Variants in KCNK9 observed in about 807,000 individuals in gnomAD.
KCNK9 encodes potassium two pore domain channel subfamily K member 9.
In KCNK9, 1 loss-of-function variant was observed where a neutral mutation model predicts 10.8. The observed-to-expected ratio is 0.09, with a 90% CI of 0.03 to 0.44. The LOEUF (loss-of-function observed/expected upper bound fraction) is 0.44, where lower values mean the gene tolerates loss of function less well. KCNK9 is among the 20% of genes least tolerant of loss of function. The probability of loss-of-function intolerance (pLI) is 0.97; values close to 1 mark genes in which losing one functional copy is unlikely to be tolerated. For missense variants in KCNK9, 303 were observed against 515.0 expected (o/e 0.59, Z 3.98); for synonymous variants, 231 against 222.7 (o/e 1.04, Z -0.33).
chr8:139,640,666 A>G lies in KCNK9; in HGVS notation c.284-21567T>C, dbSNP rs576554086. 2.1e-3 allele frequency among the ~76,000 whole-genome samples: 315 copies of G among 152,306 alleles called. 2 individuals carry two copies. Among genetic ancestry groups the G allele is most frequent in the Non-Finnish European group, 3.4e-3 (229 of 68,032 alleles). On this transcript the variant is annotated intron_variant, in intron 1 of 1. Coordinates refer to ENST00000520439, the MANE Select transcript of KCNK9 (RefSeq NM_001282534.2). ...TGCCCTGTGGGGCTGGCCAAGGACAACCCTGGACGGGACTCCTGAAACCTT... is the reference window on the plus strand; with the variant it reads ...TGCCCTGTGGGGCTGGCCAAGGACAGCCCTGGACGGGACTCCTGAAACCTT...
intron 1 of KCNK9, among the ~76,000 whole-genome samples, chr8:139,636,347 CTGGTGTGTTGA>C (rs919187407): frequency 5.9e-5 from 9 of 152,232 alleles, no homozygotes; most frequent in Non-Finnish European, 1.0e-4. Context: ...TGTTCTCACG[CTGGTGTGTTGA>C]TGGTCATGGC....
chr8:139,623,035 GAC>G (rs2130115819), intron 1 of KCNK9, among the ~76,000 whole-genome samples: 1 of 152,316 alleles, frequency 6.6e-6, no homozygotes, highest in Admixed American at 6.5e-5. Context: ...GAACACACAT[GAC>G]ACAGGCTGTG....
downstream of KCNK9, among the ~76,000 whole-genome samples, chr8:139,613,456 G>A (rs1262249927): frequency 6.6e-6 from 1 of 152,144 alleles, no homozygotes; most frequent in Non-Finnish European, 1.5e-5. Flanking sequence ...CTTGGTTTGT[G>A]ACCACCATGG....
chr8:139,696,611 A>C (rs954884840), intron 1 of KCNK9, among the ~76,000 whole-genome samples: 4 of 152,094 alleles, frequency 2.6e-5, no homozygotes, highest in Non-Finnish European at 5.9e-5. Flanking sequence ...AAGTGAGTTG[A>C]GGACCCACTG....
chr8:139,646,544 C>T (rs1024467597), intron 1 of KCNK9, among the ~76,000 whole-genome samples: 17 of 152,154 alleles, frequency 1.1e-4, no homozygotes, highest in African/African-American at 3.9e-4. Context: ...GAATAATGAC[C>T]CAGAAGCAGT....
At chr8:139,673,217 G>T (rs778067749) in intron 1 of KCNK9, among the ~76,000 whole-genome samples, 2 of 152,098 alleles carry the variant, frequency 1.3e-5, no homozygotes, top group East Asian at 3.9e-4. Context: ...AGGGCCGGGG[G>T]TGATGGCTAC....
At chr8:139,612,890 A>G (rs904799946), downstream of KCNK9, among the ~76,000 whole-genome samples, 2 of 152,156 alleles carry the variant, frequency 1.3e-5, no homozygotes, top group African/African-American at 4.8e-5. Flanking sequence ...GGACTTCTCA[A>G]AAAGGCCAAC....
In KCNK9 at chr8:139,618,353, T is replaced by G; in HGVS notation, c.1030A>C (p.Asn344His). 1 of 1,614,086 alleles carries G rather than the reference T, an allele frequency of 6.2e-7. No homozygotes were observed. The highest frequency in any genetic ancestry group is 1.3e-5 in the African/African-American group (1 of 75,008). The part of the protein sequence containing the change: ...IEEISPSTLK[N>H]SLFPSPISSI... ...CTAATAGGCGATGGGAAGAGGCTGTTTTTTAATGTGCTTGGTGAGATCTCC... is the reference window on the plus strand; with the variant it reads ...CTAATAGGCGATGGGAAGAGGCTGTGTTTTAATGTGCTTGGTGAGATCTCC... Residue 344 changes from asparagine to histidine, a missense_variant, in exon 2 of 2, where the codon AAC (asparagine) becomes CAC (histidine). Asn to His is a moderately conservative substitution (Grantham distance 68). This residue lies in a region of KCNK9 where 138 missense variants were observed against 161.1 expected (regional missense o/e 0.86). Transcript: ENST00000520439. This position sits in a 1 kb window ranked among gnomAD's most constrained non-coding sequence, Gnocchi z 7.9.
intron 1 of KCNK9, among the ~76,000 whole-genome samples, chr8:139,665,895 C>T (rs922679329): frequency 1.3e-5 from 2 of 152,240 alleles, no homozygotes; most frequent in East Asian, 1.9e-4. Flanking sequence ...CCACAAATGG[C>T]GTCAGTGTGG....
At chr8:139,687,098 G>C (rs1179200360) in intron 1 of KCNK9, among the ~76,000 whole-genome samples, 2 of 151,974 alleles carry the variant, frequency 1.3e-5, no homozygotes, top group Non-Finnish European at 2.9e-5. Flanking sequence ...TCTTTTAAAA[G>C]ATTAATAAAT....
Position 139,659,044 on chromosome 8 carries a change from C to A in KCNK9, c.284-39945G>T, listed in dbSNP as rs1211604758. On this transcript the variant is annotated intron_variant, in intron 1 of 1. Coordinates refer to ENST00000520439, the MANE Select transcript of KCNK9 (RefSeq NM_001282534.2). ...CAAAAATTCAAGTTTTGGGGGAAGACAAGTTAGCCAGAAAGGCATTCTAGG... is the reference window on the plus strand; with the variant it reads ...CAAAAATTCAAGTTTTGGGGGAAGAAAAGTTAGCCAGAAAGGCATTCTAGG... Among the ~76,000 whole-genome samples the A allele has an allele frequency of 5.3e-5, 8 of 152,328 alleles. No homozygotes were observed. The East Asian group carries it at 1.5e-3, about 29-fold the overall frequency.
At chr8:139,658,930 C>T (rs952014099) in intron 1 of KCNK9, among the ~76,000 whole-genome samples, 5 of 152,178 alleles carry the variant, frequency 3.3e-5, no homozygotes, top group African/African-American at 1.2e-4. Flanking sequence ...TGAGGGTACA[C>T]GGGAAGGACT....
At chr8:139,608,241 G>A (rs1481054069), downstream of KCNK9, among the ~76,000 whole-genome samples, 2 of 152,082 alleles carry the variant, frequency 1.3e-5, no homozygotes, top group East Asian at 1.9e-4. Flanking sequence ...CCTCCCCACC[G>A]ACTCCAGATT....
At chr8:139,641,373 T>C (rs1329291087) in intron 1 of KCNK9, among the ~76,000 whole-genome samples, 1 of 152,096 alleles carries the variant, frequency 6.6e-6, no homozygotes, top group African/African-American at 2.4e-5. Flanking sequence ...GAGCCCACCC[T>C]GGCAGGACAT....
intron 1 of KCNK9, among the ~76,000 whole-genome samples, chr8:139,667,941 G>A (rs575726390): frequency 9.3e-5 from 14 of 151,248 alleles, no homozygotes; most frequent in South Asian, 8.4e-4. Context: ...CTGCACATCC[G>A]CATCACTCCA....
chr8:139,633,027 G>A (rs948387887), intron 1 of KCNK9, among the ~76,000 whole-genome samples: 5 of 152,124 alleles, frequency 3.3e-5, no homozygotes, highest in Non-Finnish European at 7.3e-5. Context: ...GTGAGAAAAC[G>A]AGGGCTCAGG....
chr8:139,642,778 G>T (rs144486301), intron 1 of KCNK9, among the ~76,000 whole-genome samples: 226 of 152,328 alleles, frequency 1.5e-3, no homozygotes, highest in African/African-American at 5.3e-3. Context: ...CTGTTTGTGT[G>T]GCTTCATCTA....
chr8:139,681,617 G>A (rs919495967), intron 1 of KCNK9, among the ~76,000 whole-genome samples: 2 of 152,208 alleles, frequency 1.3e-5, no homozygotes, highest in Admixed American at 1.3e-4. Flanking sequence ...CCTGTGCTGA[G>A]GGGCTGCAGG....
At chr8:139,668,066 C>A (rs917805470) in intron 1 of KCNK9, among the ~76,000 whole-genome samples, 1 of 152,188 alleles carries the variant, frequency 6.6e-6, no homozygotes, top group Non-Finnish European at 1.5e-5. Context: ...CACCATTTTT[C>A]CAACATCATG....
Sources: gnomAD v4.1 joint callset for allele counts (sites outside exome capture counted in the v4.1 genomes callset) on GRCh38, gnomAD v4.1.1 for gene constraint, gnomAD v4.1.1 regional missense constraint, Gnocchi (gnomAD v3.1) non-coding constraint, MANE v1.5 for transcripts, NCBI Gene and HGNC (gene_info 2026-07-23, HGNC 2026-07-21) for gene names.